Variants in MYO3A observed in about 807,000 individuals in gnomAD.
MYO3A encodes the protein myosin IIIA, also known as myosin-IIIa.
A neutral mutation model predicts 192.7 loss-of-function variants in MYO3A; 180 were observed. The ratio of observed to expected loss-of-function variants is 0.93; its 90% CI spans 0.83 to 1.06. The LOEUF is 1.06. Among genes scored for constraint, MYO3A ranks in the 50% least tolerant of loss-of-function variants. The pLI, the probability that MYO3A is intolerant of heterozygous loss-of-function variation, is 0.00. For synonymous variants in MYO3A, 628 were observed against 645.3 expected (o/e 0.97, Z 0.41); for missense variants, 1,896 against 1,905.0 (o/e 1.00, Z 0.09).
At chr10:26,072,423 T>A (rs971061417) in intron 14 of MYO3A, among the ~76,000 whole-genome samples, 6 of 152,134 alleles carry the variant, frequency 3.9e-5, no homozygotes, top group Admixed American at 6.5e-5. Flanking sequence ...ATGGGAGCTG[T>A]CTCAAATTTA....
intron 17 of MYO3A, among the ~76,000 whole-genome samples, chr10:26,117,991 C>G (rs1838621028): frequency 6.6e-6 from 1 of 152,158 alleles, no homozygotes; most frequent in Non-Finnish European, 1.5e-5. Context: ...TCTCCACAAC[C>G]TCACCAGCAT....
rs918601470 is a variant in MYO3A, at chr10:25,997,199, A to T, written c.449A>T (p.Asp150Val). 3 of 1,613,508 alleles carry T rather than the reference A, an allele frequency of 1.9e-6. No individual in the cohort carries two copies. The African/African-American group carries it at 4.0e-5, about 22-fold the overall frequency. ...CATAACAACAAAACTATCCACAGAG[A>T]TGTGAAAGGCAATAACATTCTATTG... ...HLHNNKTIHR[D>V]VKGNNILLTT... The change falls in exon 6 of 35, where the codon GAT becomes GTT. Residue 150 changes from aspartate to valine, a missense_variant. Transcript: ENST00000642920.
intron 31 of MYO3A, among the ~76,000 whole-genome samples, chr10:26,184,294 C>T (rs1842762140): frequency 6.6e-6 from 1 of 152,188 alleles, no homozygotes; most frequent in African/African-American, 2.4e-5. Context: ...CTGCCTTTAA[C>T]ATGCAGCAAT....
rs540977518 is a variant in MYO3A at position 26,006,110 on chromosome 10, G to T, written c.508+8852G>T. On this transcript the variant is annotated intron_variant, in intron 6 of 34. Coordinates refer to ENST00000642920, the MANE Select transcript of MYO3A (RefSeq NM_017433.5). Reference sequence around the variant, plus strand: ...CAGTCAACGATCTTTTAGTTGTAAGGACTAGATGCCCCAACTAGCTACTGG... The same window carrying T: ...CAGTCAACGATCTTTTAGTTGTAAGTACTAGATGCCCCAACTAGCTACTGG... 1.6e-4 allele frequency among the ~76,000 whole-genome samples: 24 copies of T among 151,714 alleles called. 1 individual carries two copies. The highest frequency in any genetic ancestry group is 5.8e-4 in the African/African-American group (24 of 41,464).
intron 32 of MYO3A, among the ~76,000 whole-genome samples, chr10:26,200,352 A>T (rs769245517): frequency 6.6e-6 from 1 of 152,220 alleles, no homozygotes; most frequent in Non-Finnish European, 1.5e-5. Flanking sequence ...CATTTTTGTT[A>T]TACAACACTT....
At chr10:26,204,766 G>A (rs1308904769) in intron 34 of MYO3A, among the ~76,000 whole-genome samples, 1 of 152,200 alleles carries the variant, frequency 6.6e-6, no homozygotes, top group East Asian at 1.9e-4. Context: ...GGGGTGGATA[G>A]AATAGTGCAT....
intron 34 of MYO3A, chr10:26,204,563 A>G (rs1843822169): frequency 1.3e-5 from 2 of 152,394 alleles, no homozygotes; most frequent in South Asian, 2.1e-4. Context: ...CCTCACAGCA[A>G]CCGCACGAGG....
At chr10:26,134,527 G>A (rs549670889) in intron 20 of MYO3A, among the ~76,000 whole-genome samples, 10 of 152,150 alleles carry the variant, frequency 6.6e-5, no homozygotes, top group African/African-American at 2.4e-4. Flanking sequence ...TAAAATATGT[G>A]TATATAGAAA....
chr10:26,176,906 T>C, intron 31 of MYO3A, 61 bp downstream of exon 31: 1 of 1,571,264 alleles, frequency 6.4e-7, no homozygotes, highest in Non-Finnish European at 8.8e-7. Context: ...ACTTTGTTTA[T>C]TAGTTTCCCA....
chr10:26,154,717 G>A lies in MYO3A; in HGVS notation c.2716-29G>A, dbSNP rs3818956. 1,110,089 of 1,591,172 alleles carry A rather than the reference G, an allele frequency of 0.7. 388,471 individuals are homozygous for A. The highest frequency in any genetic ancestry group is 0.71 in the African/African-American group (52,952 of 74,456). On this transcript the variant is annotated intron_variant, in intron 24 of 34. Coordinates refer to ENST00000642920, the MANE Select transcript of MYO3A (RefSeq NM_017433.5). ...GATAATAAAGTACAATAGATACCAA[G>A]GCATCACTGTCTTCCTTGGTCTCCT...
chr10:26,157,208 A>T lies in MYO3A; in HGVS notation c.2794-102A>T, dbSNP rs1589050579. 8 of 1,060,024 alleles carry T rather than the reference A, an allele frequency of 7.5e-6. No homozygotes were observed. In the South Asian group the frequency reaches 9.4e-5, roughly 12 times the overall value. The allele number at this position is 1,060,024 out of a possible 1,614,324, so 65.7% of individuals were successfully genotyped here. A position where few individuals can be genotyped will look rare whatever the true frequency, so the allele number is the denominator to read the frequency against. On this transcript the variant is annotated intron_variant, in intron 25 of 34. Transcript: ENST00000642920. ...TGTGACTAATGGGAGCATTTATAAC[A>T]TTCATTTTTTGAATGTTATTCTTGT...
chr10:26,161,604 A>T (rs1841488840), intron 26 of MYO3A, among the ~76,000 whole-genome samples: 1 of 152,204 alleles, frequency 6.6e-6, no homozygotes, highest in African/African-American at 2.4e-5. Flanking sequence ...ATTCAAAGTT[A>T]CTTGAGTTCT....
In MYO3A at chr10:26,026,520, C is replaced by G; in HGVS notation, c.941C>G (p.Thr314Arg). Residue 314 changes from threonine to arginine, a missense_variant, in exon 10 of 35, where the codon ACA becomes AGA. By Grantham distance (71) the Thr-to-Arg change is moderately conservative (BLOSUM62 -1). Coordinates refer to ENST00000642920, the MANE Select transcript of MYO3A (RefSeq NM_017433.5). ...FIGIHQCMGGTEKARRERIHT... is the reference protein window; with the variant it reads ...FIGIHQCMGGREKARRERIHT... ...GGCATCCATCAATGCATGGGAGGCA[C>G]AGAAAAGGCCAGGTAATCAAATAAT... 1 of 1,614,036 alleles carries G rather than the reference C, an allele frequency of 6.2e-7. No homozygotes were observed. The highest frequency in any genetic ancestry group is 8.5e-7 in the Non-Finnish European group (1 of 1,179,958).
intron 4 of MYO3A, among the ~76,000 whole-genome samples, chr10:25,966,717 C>G (rs12241145): frequency 0.053 from 8,000 of 152,170 alleles, 746 homozygotes; most frequent in African/African-American, 0.18. Flanking sequence ...GTTTTCTAAA[C>G]AAGCACAAAG....
intron 10 of MYO3A, among the ~76,000 whole-genome samples, chr10:26,030,034 A>G (rs1842735768): frequency 6.6e-6 from 1 of 152,192 alleles, no homozygotes; most frequent in Non-Finnish European, 1.5e-5. Flanking sequence ...CCATCCTGCC[A>G]TCTCAAGCAC....
chr10:26,143,595 C>T lies in MYO3A; in HGVS notation c.2410C>T (p.Leu804Phe), dbSNP rs751851095. The change falls in exon 21 of 35, where the codon CTT becomes TTT. Residue 804 changes from leucine (L) to phenylalanine (F), a missense_variant. Transcript: ENST00000642920. ...ATTTCCCAAGGCCACTGACCAGACT[C>T]TTGTAGGTGAGTTTTCAGTCCAGTG... Reference protein sequence around the residue: ...SRFPKATDQTLVEKFEGNLKS... With the variant: ...SRFPKATDQTFVEKFEGNLKS... The T allele has an allele frequency of 6.2e-7, 1 of 1,613,964 alleles. No homozygotes were observed. The highest frequency in any genetic ancestry group is 8.5e-7 in the Non-Finnish European group (1 of 1,179,904).
intron 10 of MYO3A, among the ~76,000 whole-genome samples, chr10:26,046,515 A>T (rs1843645895): frequency 6.6e-6 from 1 of 152,304 alleles, no homozygotes; most frequent in East Asian, 1.9e-4. Flanking sequence ...ACATAAACGG[A>T]ACATTAATGG....
At chr10:26,062,200 A>T (rs1834526516) in intron 10 of MYO3A, among the ~76,000 whole-genome samples, 1 of 149,710 alleles carries the variant, frequency 6.7e-6, no homozygotes, top group Non-Finnish European at 1.5e-5. Context: ...TCAAATATTA[A>T]CTAAATTATC....
intron 10 of MYO3A, among the ~76,000 whole-genome samples, chr10:26,062,527 A>AAC (rs1564509936): frequency 8.5e-6 from 1 of 117,256 alleles, no homozygotes; most frequent in African/African-American, 2.8e-5. Context: ...AAAAAAAAAA[A>AAC]AAAAAATTAT....
Sources: allele counts gnomAD v4.1 joint callset (sites outside exome capture counted in the v4.1 genomes callset), GRCh38; gene constraint gnomAD v4.1.1; transcripts MANE v1.5; gene names NCBI Gene and HGNC (gene_info 2026-07-23, HGNC 2026-07-21).